EPHA3: variants seen among roughly 807,000 people sequenced by gnomAD.
EPHA3 encodes the protein ephrin type-A receptor 3.
Under a neutral mutation model 107.1 loss-of-function variants are expected in EPHA3, and 42 were observed. That is an observed-to-expected ratio of 0.39 (90% CI 0.31 to 0.51). The LOEUF (loss-of-function observed/expected upper bound fraction) is 0.51, where lower values mean the gene tolerates loss of function less well. Among genes scored for constraint, EPHA3 ranks in the 20% least tolerant of loss-of-function variants. The pLI is 0.78. For missense variants in EPHA3, 1,183 were observed against 1,211.2 expected (o/e 0.98, Z 0.35); for synonymous variants, 461 against 424.8 (o/e 1.09, Z -1.05).
At chr3:89,152,248 G>A (rs1458483513) in intron 2 of EPHA3, among the ~76,000 whole-genome samples, 1 of 152,004 alleles carries the variant, frequency 6.6e-6, no homozygotes, top group East Asian at 1.9e-4. Flanking sequence ...TGATCAGAGG[G>A]AATACAACAT....
At chr3:89,470,139 T>G (rs900427403) in intron 15 of EPHA3, among the ~76,000 whole-genome samples, 19 of 151,938 alleles carry the variant, frequency 1.3e-4, no homozygotes, top group African/African-American at 4.6e-4. Context: ...GACAGCAGAA[T>G]AGCACTTCTG....
At chr3:89,268,158 T>G (rs1457379695) in intron 3 of EPHA3, among the ~76,000 whole-genome samples, 2 of 152,128 alleles carry the variant, frequency 1.3e-5, no homozygotes, top group Non-Finnish European at 2.9e-5. Flanking sequence ...TAGGGATGCA[T>G]TTAAATGCCA....
chr3:89,444,389 T>A (rs1170359676), intron 13 of EPHA3, among the ~76,000 whole-genome samples: 1 of 152,140 alleles, frequency 6.6e-6, no homozygotes, highest in Non-Finnish European at 1.5e-5. Flanking sequence ...GATTTTTTTT[T>A]TTACTTCAAA....
intron 3 of EPHA3, among the ~76,000 whole-genome samples, chr3:89,241,615 TAAC>T (rs1006809448): frequency 3.9e-5 from 6 of 152,126 alleles, no homozygotes; most frequent in Admixed American, 3.3e-4. Context: ...TTAATCCTCA[TAAC>T]AACTCTCATT....
intron 2 of EPHA3, among the ~76,000 whole-genome samples, chr3:89,185,238 A>C (rs1391832950): frequency 3.3e-5 from 5 of 151,904 alleles, no homozygotes; most frequent in Non-Finnish European, 7.4e-5. Context: ...ACATTTATTT[A>C]TTTTCTTTTA....
At position 89,208,459 on chromosome 3, in the gene EPHA3, A is replaced by G. The variant is rs1706172083; in HGVS notation, c.154-1401A>G. On this transcript the variant is annotated intron_variant, in intron 2 of 16. Coordinates refer to ENST00000336596, the MANE Select transcript of EPHA3 (RefSeq NM_005233.6). Reference sequence around the variant, plus strand: ...GAAAGAAAGAAAGAAAGAAAGAAAGAAAGAAAGAAAGAAAGAAAGAAAGAG... The same window carrying G: ...GAAAGAAAGAAAGAAAGAAAGAAAGGAAGAAAGAAAGAAAGAAAGAAAGAG... 3.0e-5 allele frequency among the ~76,000 whole-genome samples: 4 copies of G among 132,100 alleles called. No individual in the cohort carries two copies. In the South Asian group the frequency reaches 7.3e-4, roughly 24 times the overall value. 86.7% of individuals were successfully genotyped at this position (132,100 alleles called of 152,430 possible). A position where few individuals can be genotyped will look rare whatever the true frequency, so the allele number is the denominator to read the frequency against.
intron 12 of EPHA3, 92 bp downstream of exon 12, chr3:89,429,259 C>T (rs1280412771): frequency 2.1e-6 from 2 of 967,536 alleles, no homozygotes; most frequent in South Asian, 2.0e-5. Context: ...ATTCAGTAAT[C>T]TAAGTTTAAA....
At chr3:89,239,862 G>T (rs1055680142) in intron 3 of EPHA3, among the ~76,000 whole-genome samples, 9 of 152,172 alleles carry the variant, frequency 5.9e-5, no homozygotes, top group African/African-American at 2.2e-4. Context: ...TGGCTGACTT[G>T]ATTGATAATA....
At chr3:89,271,996 T>C (rs1705680530) in intron 3 of EPHA3, among the ~76,000 whole-genome samples, 2 of 152,016 alleles carry the variant, frequency 1.3e-5, no homozygotes, top group Admixed American at 1.3e-4. Context: ...AAATAGCAAA[T>C]ATATTTTTTC....
chr3:89,476,189 GTA>G (rs150254848), intron 16 of EPHA3, among the ~76,000 whole-genome samples: 4,993 of 145,316 alleles, frequency 0.034, 284 homozygotes, highest in African/African-American at 0.12. Flanking sequence ...ATATAAACAT[GTA>G]TATATATATA....
intron 2 of EPHA3, among the ~76,000 whole-genome samples, chr3:89,180,806 C>CT (rs1160167464): frequency 3.3e-5 from 5 of 151,812 alleles, no homozygotes; most frequent in African/African-American, 7.3e-5. Context: ...AAAATAAAAA[C>CT]TTTTTTTGTA....
chr3:89,349,504 G>A (rs1707753431), intron 5 of EPHA3, among the ~76,000 whole-genome samples: 2 of 149,520 alleles, frequency 1.3e-5, no homozygotes, highest in African/African-American at 4.9e-5. Context: ...TTGAGCCTAT[G>A]TGTGTCTCTG....
At chr3:89,258,908 C>A (rs1705349109) in intron 3 of EPHA3, among the ~76,000 whole-genome samples, 2 of 152,070 alleles carry the variant, frequency 1.3e-5, no homozygotes, top group African/African-American at 2.4e-5. Context: ...CCTGTACATG[C>A]CACAAAATCC....
intron 3 of EPHA3, among the ~76,000 whole-genome samples, chr3:89,290,329 A>G (rs1706183320): frequency 6.6e-6 from 1 of 152,140 alleles, no homozygotes; most frequent in South Asian, 2.1e-4. Context: ...ACTCTGATAT[A>G]TTCCTCGCTC....
At chr3:89,350,351 CTTCATTTCA>C (rs1459106444) in intron 5 of EPHA3, among the ~76,000 whole-genome samples, 1 of 151,294 alleles carries the variant, frequency 6.6e-6, no homozygotes, top group Non-Finnish European at 1.5e-5. Flanking sequence ...TCCCTTCTCA[CTTCATTTCA>C]TTCATTTCAT....
At chr3:89,235,053 C>T (rs1704725553) in intron 3 of EPHA3, among the ~76,000 whole-genome samples, 1 of 130,686 alleles carries the variant, frequency 7.7e-6, no homozygotes, top group African/African-American at 2.9e-5. Context: ...CTCTCTCCCT[C>T]TTTCTTTCTT....
intron 5 of EPHA3, among the ~76,000 whole-genome samples, chr3:89,373,521 G>C (rs1708346423): frequency 6.6e-6 from 1 of 151,846 alleles, no homozygotes. Context: ...TGGGAACTTA[G>C]AGAGTCAGAA....
At chr3:89,165,190 C>T (rs902852452) in intron 2 of EPHA3, among the ~76,000 whole-genome samples, 4 of 152,098 alleles carry the variant, frequency 2.6e-5, no homozygotes, top group African/African-American at 4.8e-5. Context: ...AACCTCATTT[C>T]TTTTGTAGCT....
chr3:89,245,189 C>T (rs1451967397), intron 3 of EPHA3, among the ~76,000 whole-genome samples: 1 of 152,064 alleles, frequency 6.6e-6, no homozygotes, highest in Non-Finnish European at 1.5e-5. Flanking sequence ...CTTTGAGTTA[C>T]TTTAAAGATT....
Sources: gnomAD v4.1 joint callset for allele counts (sites outside exome capture counted in the v4.1 genomes callset) on GRCh38, gnomAD v4.1.1 for gene constraint, MANE v1.5 for transcripts, NCBI Gene and HGNC (gene_info 2026-07-23, HGNC 2026-07-21) for gene names.